DNAH6: variants seen among roughly 807,000 people sequenced by gnomAD.
DNAH6 encodes the protein axonemal beta dynein heavy chain 6.
DNAH6 carries 340 observed loss-of-function variants against 491.4 expected under a neutral mutation model. The ratio of observed to expected loss-of-function variants is 0.69; its 90% confidence interval spans 0.63 to 0.76. DNAH6 has a LOEUF of 0.76. Among genes scored for constraint, DNAH6 ranks in the 30% least tolerant of loss-of-function variants. The probability of loss-of-function intolerance (pLI) is 0.00; values close to 1 mark genes in which losing one functional copy is unlikely to be tolerated. For missense variants in DNAH6, 4,443 were observed against 4,972.2 expected, an observed-to-expected ratio of 0.89 and a Z score of 3.20; for synonymous variants, 1,603 against 1,686.1, an observed-to-expected ratio of 0.95 and a Z score of 1.21.
Position 84,635,389 on chromosome 2 carries a change from T to TA in DNAH6, c.4653+755dup, listed in dbSNP as rs1558830263. 2.0e-5 allele frequency among the ~76,000 whole-genome samples: 3 copies of TA among 152,216 alleles called. No homozygotes were observed. In the South Asian group the frequency reaches 6.2e-4, roughly 32 times the overall value. ...GTAATAGGTGAAAAGAATTCAAAGT[T>TA]AAAAAAATATTTTCATAGACACCAA... On this transcript the variant is annotated intron_variant, in intron 30 of 76. Coordinates refer to ENST00000389394, the MANE Select transcript of DNAH6 (RefSeq NM_001370.2).
At chr2:84,692,755 G>A (rs1192297) in intron 45 of DNAH6, among the ~76,000 whole-genome samples, 16,320 of 151,976 alleles carry the variant, frequency 0.11, 1,532 homozygotes, top group African/African-American at 0.25. Context: ...TCATACTTGT[G>A]TATATCTTCA....
chr2:84,505,630 A>G, the DNAH6 span, among the ~76,000 whole-genome samples: 1 of 152,158 alleles, frequency 6.6e-6, no homozygotes, highest in African/African-American at 2.4e-5. Flanking sequence ...ACATATGTAT[A>G]CATGTGCCAT....
chr2:84,488,393 TA>T, the DNAH6 span, among the ~76,000 whole-genome samples: 4 of 150,022 alleles, frequency 2.7e-5, no homozygotes, highest in Non-Finnish European at 4.5e-5. Context: ...AATTAAAAAA[TA>T]AAAAAATAAA....
chr2:84,493,618 A>T, the DNAH6 span, among the ~76,000 whole-genome samples: 1 of 152,238 alleles, frequency 6.6e-6, no homozygotes, highest in Admixed American at 6.5e-5. Context: ...CTATAAGCAA[A>T]AATCGTTGGC....
At chr2:84,724,689 TG>T (rs139363896) in intron 60 of DNAH6, among the ~76,000 whole-genome samples, 1 of 152,314 alleles carries the variant, frequency 6.6e-6, no homozygotes, top group East Asian at 1.9e-4. Context: ...CTGACTCACA[TG>T]GCTGGGCTGT....
the DNAH6 span, among the ~76,000 whole-genome samples, chr2:84,501,346 G>A: frequency 6.6e-6 from 1 of 151,844 alleles, no homozygotes; most frequent in Non-Finnish European, 1.5e-5. Flanking sequence ...GCATATGTTG[G>A]GTCATCCGTG....
At chr2:84,644,746 C>A (rs1040226371) in intron 33 of DNAH6, among the ~76,000 whole-genome samples, 1 of 152,192 alleles carries the variant, frequency 6.6e-6, no homozygotes, top group Non-Finnish European at 1.5e-5. Context: ...CCAGCTCCAT[C>A]CACGTTCCTG....
chr2:84,682,195 T>C (rs931684706), intron 42 of DNAH6, among the ~76,000 whole-genome samples: 1 of 152,142 alleles, frequency 6.6e-6, no homozygotes, highest in South Asian at 2.1e-4. Flanking sequence ...CTGAGTCCCA[T>C]CTCCATCTGC....
chr2:84,656,782 T>C (rs374990652), intron 35 of DNAH6, among the ~76,000 whole-genome samples: 7 of 152,038 alleles, frequency 4.6e-5, no homozygotes, highest in African/African-American at 1.7e-4. Flanking sequence ...CTTCAGATTG[T>C]ATAAATATTT....
chr2:84,796,471 T>C (rs1573838257), intron 69 of DNAH6, 46 bp downstream of exon 69: 3 of 1,445,138 alleles, frequency 2.1e-6, no homozygotes, highest in Middle Eastern at 1.8e-4. Context: ...CCCAAGAAGA[T>C]GTTGACAGCA....
At position 84,529,012 on chromosome 2, in the gene DNAH6, T is replaced by G. The variant is rs1676891179; in HGVS notation, c.508T>G (p.Tyr170Asp). The part of the protein sequence containing the change: ...FGTRSSAYPK[Y>D]TFHDREEVVK... ...GACTAGATCTTCAGCTTACCCTAAG[T>G]ACACTTTTCACGACCGAGAAGAAGT... Residue 170 changes from tyrosine (Y) to aspartate (D), a missense_variant, in exon 4 of 77, where the codon TAC becomes GAC. Tyr to Asp is a radical substitution (Grantham distance 160). Coordinates refer to ENST00000389394, the MANE Select transcript of DNAH6 (RefSeq NM_001370.2). The G allele has an allele frequency of 1.3e-6, 2 of 1,551,472 alleles. No individual in the cohort carries two copies. The highest frequency in any genetic ancestry group is 2.0e-5 in the Admixed American group (1 of 50,980).
chr2:84,605,619 A>AG (rs1685685414), intron 20 of DNAH6, 27 bp downstream of exon 20: 1 of 1,455,434 alleles, frequency 6.9e-7, no homozygotes, highest in Non-Finnish European at 9.4e-7. Flanking sequence ...TTGAAAACTT[A>AG]TGGTAAAGAT....
intron 14 of DNAH6, among the ~76,000 whole-genome samples, chr2:84,582,566 C>G (rs1444465880): frequency 1.3e-5 from 2 of 152,232 alleles, no homozygotes; most frequent in East Asian, 1.9e-4. Context: ...ATTCTCCTGC[C>G]TCAGCCTCCT....
the DNAH6 span, among the ~76,000 whole-genome samples, chr2:84,497,462 T>C: frequency 6.6e-6 from 1 of 152,288 alleles, no homozygotes; most frequent in South Asian, 2.1e-4. Context: ...TTCGCAAGGG[T>C]AAATACCTAA....
chr2:84,623,791 G>A (rs1687611318), intron 26 of DNAH6, among the ~76,000 whole-genome samples: 1 of 152,156 alleles, frequency 6.6e-6, no homozygotes, highest in Non-Finnish European at 1.5e-5. Flanking sequence ...TTCTGAAAAT[G>A]TTTTCATTTA....
intron 71 of DNAH6, among the ~76,000 whole-genome samples, chr2:84,806,618 CAAAAAAAAAAAAA>C (rs1162301447): frequency 2.6e-5 from 1 of 38,504 alleles, no homozygotes; most frequent in Non-Finnish European, 5.3e-5. Context: ...GACTCAGTCT[CAAAAAAAAAAAAA>C]AAAAAAAAAA....
intron 60 of DNAH6, among the ~76,000 whole-genome samples, 185 bp from the exon 61 acceptor site, chr2:84,727,484 C>A (rs1329660204): frequency 1.3e-5 from 2 of 152,098 alleles, no homozygotes; most frequent in Admixed American, 6.5e-5. Flanking sequence ...AATTCAAAGA[C>A]CTGCTGTGCA....
chr2:84,523,186 G>A (rs1676305719), intron 2 of DNAH6, among the ~76,000 whole-genome samples: 1 of 152,034 alleles, frequency 6.6e-6, no homozygotes, highest in South Asian at 2.1e-4. Flanking sequence ...TCTTGGGAGG[G>A]TGTATGTGTC....
chr2:84,701,158 A>G lies in DNAH6; in HGVS notation c.7880A>G (p.Asn2627Ser). Residue 2627 changes from asparagine to serine, a missense_variant, in exon 49 of 77, where the codon AAT becomes AGT. Coordinates refer to ENST00000389394, the MANE Select transcript of DNAH6 (RefSeq NM_001370.2). Reference sequence around the variant, plus strand: ...TTTTTCTCACAAGTCGATGCTGGAAATGAAGAACTGAAAGAAAAGCTTCCC... The same window carrying G: ...TTTTTCTCACAAGTCGATGCTGGAAGTGAAGAACTGAAAGAAAAGCTTCCC... Reference protein sequence around the residue: ...KTFFSQVDAGNEELKEKLPLM... With the variant: ...KTFFSQVDAGSEELKEKLPLM... The G allele has an allele frequency of 1.3e-6, 2 of 1,551,846 alleles. No individual in the cohort carries two copies. Among genetic ancestry groups the G allele is most frequent in the Non-Finnish European group, 1.7e-6 (2 of 1,146,972 alleles).
Sources: gnomAD v4.1 joint callset for allele counts (sites outside exome capture counted in the v4.1 genomes callset) on GRCh38, gnomAD v4.1.1 for gene constraint, MANE v1.5 for transcripts, NCBI Gene and HGNC (gene_info 2026-07-23, HGNC 2026-07-21) for gene names.